PRRX2: variants seen among roughly 807,000 people sequenced by gnomAD.
The protein encoded by PRRX2 is paired related homeobox 2.
A neutral mutation model predicts 18.0 loss-of-function variants in PRRX2; 11 were observed. That is an observed-to-expected ratio of 0.61 (90% CI 0.39 to 1.01). The LOEUF (loss-of-function observed/expected upper bound fraction) is 1.01. PRRX2 is among the 50% of genes least tolerant of loss of function. The probability of loss-of-function intolerance (pLI) is 0.01; values close to 1 mark genes in which losing one functional copy is unlikely to be tolerated. For synonymous variants in PRRX2, 177 were observed against 154.8 expected (o/e 1.14, Z -1.06); for missense variants, 387 against 351.0 (o/e 1.10, Z -0.82).
chr9:129,689,353 C>T (rs867508653), intron 1 of PRRX2, among the ~76,000 whole-genome samples: 3 of 152,198 alleles, frequency 2.0e-5, no homozygotes, highest in African/African-American at 7.2e-5. Context: ...TGCCAGATTT[C>T]GGTGTGACCA....
chr9:129,719,139 A>C, intron 1 of PRRX2, 92 bp from the exon 2 acceptor site: 1 of 1,264,306 alleles, frequency 7.9e-7, no homozygotes, highest in Non-Finnish European at 1.1e-6. Flanking sequence ...GCGGCACTAA[A>C]GCACTCAGAG....
At chr9:129,708,907 C>T (rs905001037) in intron 1 of PRRX2, among the ~76,000 whole-genome samples, 1 of 152,202 alleles carries the variant, frequency 6.6e-6, no homozygotes, top group African/African-American at 2.4e-5. Flanking sequence ...AGGCCCTGCC[C>T]GTCTGGATCT....
chr9:129,718,879 G>GC (rs1452764224), intron 1 of PRRX2, among the ~76,000 whole-genome samples: 2 of 152,184 alleles, frequency 1.3e-5, no homozygotes, highest in African/African-American at 2.4e-5. Context: ...CCCTCCTTGA[G>GC]CAGGTCACTT....
chr9:129,703,101 G>T (rs575325074), intron 1 of PRRX2, among the ~76,000 whole-genome samples: 1 of 152,226 alleles, frequency 6.6e-6, no homozygotes, highest in African/African-American at 2.4e-5. Flanking sequence ...TGGAGATGTC[G>T]AAGATGGCCC....
At chr9:129,680,304 C>T (rs571771902) in intron 1 of PRRX2, among the ~76,000 whole-genome samples, 14 of 148,140 alleles carry the variant, frequency 9.5e-5, no homozygotes, top group African/African-American at 3.5e-4. Flanking sequence ...CGGAGGCTGA[C>T]ACAGGAGAAT....
At chr9:129,690,144 T>C (rs7866890) in intron 1 of PRRX2, among the ~76,000 whole-genome samples, 33,918 of 151,956 alleles carry the variant, frequency 0.22, 6,472 homozygotes, top group African/African-American at 0.51. Flanking sequence ...CCTGCTGCCT[T>C]CATCCCTCCC....
At position 129,671,610 on chromosome 9, in the gene PRRX2, A is replaced by G. The variant is rs1327633036; in HGVS notation, c.259+5484A>G. On this transcript the variant is annotated intron_variant, in intron 1 of 3. Transcript: ENST00000372469. The surrounding 1 kb of genome is among the most constrained non-coding windows in gnomAD (Gnocchi z 4.0). The stretch of plus-strand genomic sequence containing the variant: ...GTGTTGCCATCTGTGGGATAGGAAC[A>G]AGGGCTGTGGTATCCCTCAAAGGGC... Among the ~76,000 whole-genome samples, 1 of 152,194 alleles carries G rather than the reference A, an allele frequency of 6.6e-6. No homozygotes were observed. The highest frequency in any genetic ancestry group is 1.5e-5 in the Non-Finnish European group (1 of 68,042).
At chr9:129,668,214 C>T (rs1175899218) in intron 1 of PRRX2, among the ~76,000 whole-genome samples, 2 of 152,228 alleles carry the variant, frequency 1.3e-5, no homozygotes, top group Non-Finnish European at 2.9e-5. Context: ...GGCCCCACCA[C>T]TGCCACTTGC....
intron 1 of PRRX2, among the ~76,000 whole-genome samples, chr9:129,693,624 CT>C (rs1372716834): frequency 6.6e-6 from 1 of 150,596 alleles, no homozygotes; most frequent in East Asian, 2.0e-4. Context: ...AAAGATCGTT[CT>C]TTTGGGGCAA....
At chr9:129,689,535 G>T (rs1272601455) in intron 1 of PRRX2, among the ~76,000 whole-genome samples, 2 of 152,116 alleles carry the variant, frequency 1.3e-5, no homozygotes, top group Non-Finnish European at 2.9e-5. Context: ...GGCTTATTTG[G>T]GACAAGTGGT....
intron 1 of PRRX2, among the ~76,000 whole-genome samples, chr9:129,717,079 CT>C (rs1832718120): frequency 6.6e-6 from 1 of 151,812 alleles, no homozygotes; most frequent in Non-Finnish European, 1.5e-5. Context: ...CAGAGTATTG[CT>C]CTGTCACCCA....
intron 1 of PRRX2, among the ~76,000 whole-genome samples, chr9:129,689,143 C>T (rs1208415112): frequency 6.6e-6 from 1 of 152,132 alleles, no homozygotes; most frequent in Non-Finnish European, 1.5e-5. Context: ...CTCTCCATTT[C>T]TCTCCTCCTT....
chr9:129,666,869 C>G (rs61356107), intron 1 of PRRX2, among the ~76,000 whole-genome samples: 36,744 of 152,056 alleles, frequency 0.24, 4,916 homozygotes, highest in African/African-American at 0.36. Context: ...GATGGGGGCC[C>G]GGTGATCTGA....
intron 1 of PRRX2, among the ~76,000 whole-genome samples, chr9:129,710,037 C>A (rs1265222733): frequency 6.6e-6 from 1 of 152,210 alleles, no homozygotes; most frequent in African/African-American, 2.4e-5. Context: ...TACAGTATAA[C>A]AGAGCTACAA....
At chr9:129,667,132 C>T (rs1564362150) in intron 1 of PRRX2, among the ~76,000 whole-genome samples, 1 of 135,436 alleles carries the variant, frequency 7.4e-6, no homozygotes, top group African/African-American at 2.9e-5. Context: ...AGGACGCCTG[C>T]GACACGCCTG....
chr9:129,698,496 G>A (rs555331409), intron 1 of PRRX2, among the ~76,000 whole-genome samples: 1 of 152,320 alleles, frequency 6.6e-6, no homozygotes, highest in African/African-American at 2.4e-5. Context: ...TGGCAAGAGC[G>A]GGTTTTTCCC....
In PRRX2 at chr9:129,722,613, G is replaced by A. The variant is rs1832809533; in HGVS notation, c.*261G>A. On this transcript the variant is annotated 3_prime_UTR_variant, in exon 4 of 4. Transcript: ENST00000372469. ...GCCTGCCAAGGACCTCATTTAGTTT[G>A]TGTATTAAAACCAAAAAGCTTTTGT... 2.7e-6 allele frequency: 1 copy of A among 369,710 alleles called. No homozygotes were observed. Among genetic ancestry groups the A allele is most frequent in the Non-Finnish European group, 4.8e-6 (1 of 209,260 alleles). 22.9% of individuals were successfully genotyped at this position (369,710 alleles called of 1,614,324 possible).
chr9:129,687,481 G>A (rs1223682638), intron 1 of PRRX2, among the ~76,000 whole-genome samples: 2 of 152,290 alleles, frequency 1.3e-5, no homozygotes, highest in African/African-American at 4.8e-5. Context: ...GGAGCCGCGT[G>A]CCAGAGGAAG....
intron 1 of PRRX2, among the ~76,000 whole-genome samples, chr9:129,699,398 T>C (rs1266747859): frequency 6.6e-6 from 1 of 151,980 alleles, no homozygotes; most frequent in Non-Finnish European, 1.5e-5. Flanking sequence ...CACTGCAGCC[T>C]GGGCAACAGG....
Sources: gnomAD v4.1 joint callset for allele counts (sites outside exome capture counted in the v4.1 genomes callset) on GRCh38, gnomAD v4.1.1 for gene constraint, Gnocchi (gnomAD v3.1) non-coding constraint, MANE v1.5 for transcripts, NCBI Gene and HGNC (gene_info 2026-07-23, HGNC 2026-07-21) for gene names.